The following RAD51C variants were observed in gnomAD, a reference collection of about 807,000 sequenced individuals.
RAD51C encodes the protein DNA repair protein RAD51 homolog 3.
A neutral mutation model predicts 45.0 loss-of-function variants in RAD51C; 42 were observed. The ratio of observed to expected loss-of-function variants is 0.93; its 90% confidence interval spans 0.73 to 1.21. The LOEUF is 1.21. Ranked by LOEUF, RAD51C falls within the 50% of genes most tolerant of loss-of-function variation. The pLI, the probability that RAD51C is intolerant of heterozygous loss-of-function variation, is 0.00. For synonymous variants in RAD51C, 172 were observed against 159.8 expected (o/e 1.08, Z -0.58); for missense variants, 474 against 452.2 (o/e 1.05, Z -0.44).
At chr17:58,728,899 T>G (rs1359642369) in intron 7 of RAD51C, among the ~76,000 whole-genome samples, 1 of 152,208 alleles carries the variant, frequency 6.6e-6, no homozygotes, top group African/African-American at 2.4e-5. Flanking sequence ...ATTTGCATAT[T>G]CATGGTTATA....
intron 7 of RAD51C, among the ~76,000 whole-genome samples, chr17:58,726,823 C>G (rs2049172765): frequency 1.3e-5 from 2 of 150,620 alleles, no homozygotes; most frequent in Non-Finnish European, 3.0e-5. Context: ...ACTTTATAAA[C>G]TTTTTTATTT....
At chr17:58,727,071 C>T (rs562241048) in intron 7 of RAD51C, among the ~76,000 whole-genome samples, 74 of 151,874 alleles carry the variant, frequency 4.9e-4, no homozygotes, top group African/African-American at 1.7e-3. Flanking sequence ...CCACCCGCCT[C>T]GGCCTCCCAA....
chr17:58,698,091 A>G (rs2048082893), intron 3 of RAD51C, among the ~76,000 whole-genome samples: 1 of 151,442 alleles, frequency 6.6e-6, no homozygotes, highest in Non-Finnish European at 1.5e-5. Flanking sequence ...GGCTCACTGC[A>G]GCCTCTGCCT....
intron 5 of RAD51C, among the ~76,000 whole-genome samples, chr17:58,710,868 A>G (rs1016968563): frequency 3.9e-5 from 6 of 152,062 alleles, no homozygotes; most frequent in Non-Finnish European, 5.9e-5. Context: ...ACATCCCACC[A>G]CTGACACAAA....
chr17:58,698,401 G>C (rs1437840186), intron 3 of RAD51C, among the ~76,000 whole-genome samples: 4 of 150,844 alleles, frequency 2.7e-5, no homozygotes, highest in Non-Finnish European at 5.9e-5. Context: ...AGCCAGGATG[G>C]TCTCGATCTC....
chr17:58,696,326 G>C (rs914149729), intron 2 of RAD51C, among the ~76,000 whole-genome samples: 2 of 152,080 alleles, frequency 1.3e-5, no homozygotes, highest in Admixed American at 6.6e-5. Flanking sequence ...CTAGCTACTC[G>C]GGCAGCTGAG....
chr17:58,724,117 G>A lies in RAD51C; in HGVS notation c.965+17G>A. ...AAAGCAAAGGTCAGTACAGAAACAAGTTAATAACTCCGAATATTGGGTTAA... is the reference window on the plus strand; with the variant it reads ...AAAGCAAAGGTCAGTACAGAAACAAATTAATAACTCCGAATATTGGGTTAA... On this transcript the variant is annotated intron_variant, in intron 7 of 8. Coordinates refer to ENST00000337432, the MANE Select transcript of RAD51C (RefSeq NM_058216.3). 1 of 1,595,724 alleles carries A rather than the reference G, an allele frequency of 6.3e-7. No homozygotes were observed. The highest frequency in any genetic ancestry group is 8.6e-7 in the Non-Finnish European group (1 of 1,163,400).
Position 58,694,997 on chromosome 17 carries a change from A to T in RAD51C, c.212A>T (p.Asn71Ile). The T allele has an allele frequency of 6.2e-7, 1 of 1,614,166 alleles. No homozygotes were observed. The highest frequency in any genetic ancestry group is 8.5e-7 in the Non-Finnish European group (1 of 1,180,012). ...ATTATCAGAAGAGAATGTCTCACAAATAAACCAAGATATGCTGGTACATCT... is the reference window on the plus strand; with the variant it reads ...ATTATCAGAAGAGAATGTCTCACAATTAAACCAAGATATGCTGGTACATCT... ...LQIIRRECLT[N>I]KPRYAGTSES... The change falls in exon 2 of 9, where the codon AAT becomes ATT. Residue 71 changes from asparagine (N) to isoleucine (I), a missense_variant. Physicochemically the swap from Asn to Ile is moderately radical, Grantham distance 149 (BLOSUM62 -3). Coordinates refer to ENST00000337432, the MANE Select transcript of RAD51C (RefSeq NM_058216.3).
chr17:58,734,490 A>C lies in RAD51C; in HGVS notation c.*268A>C. On this transcript the variant is annotated 3_prime_UTR_variant, in exon 9 of 9. Transcript: ENST00000337432. The stretch of plus-strand genomic sequence containing the variant: ...TTCACAAATGTGGAAAGCTGATCTC[A>C]TGTGGCCAGTCTGAATTTACCATTC... 2.7e-5 allele frequency: 14 copies of C among 522,880 alleles called. No individual in the cohort carries two copies. Among genetic ancestry groups the C allele is most frequent in the East Asian group, 1.1e-4 (3 of 28,214 alleles). The allele number at this position is 522,880 out of a possible 1,614,324, so 32.4% of individuals were successfully genotyped here.
chr17:58,694,614 T>TA, intron 1 of RAD51C: 1 of 356,910 alleles, frequency 2.8e-6, no homozygotes, highest in African/African-American at 2.1e-5. Flanking sequence ...TAGCTGGAAT[T>TA]ATAACGCGTG....
In RAD51C at chr17:58,719,096, C is replaced by A. The variant is rs189051286; in HGVS notation, c.838-1650C>A. Among the ~76,000 whole-genome samples, 14 of 152,252 alleles carry A rather than the reference C, an allele frequency of 9.2e-5. No individual in the cohort carries two copies. The East Asian group carries it at 2.3e-3, about 25-fold the overall frequency. On this transcript the variant is annotated intron_variant, in intron 5 of 8. Transcript: ENST00000337432. Reference sequence around the variant, plus strand: ...AAAATTAGCCAGGCATGGTGGCAGGCACCTGTAATCCTAGCTACTTGGGAG... The same window carrying A: ...AAAATTAGCCAGGCATGGTGGCAGGAACCTGTAATCCTAGCTACTTGGGAG...
chr17:58,714,521 C>T (rs540016656), intron 5 of RAD51C, among the ~76,000 whole-genome samples: 137 of 152,218 alleles, frequency 9.0e-4, no homozygotes, highest in African/African-American at 2.1e-3. Flanking sequence ...TGCCATGGCG[C>T]GATCTTGGCT....
chr17:58,692,849 C>G (rs763285760), intron 1 of RAD51C, 61 bp downstream of exon 1: 5 of 1,611,560 alleles, frequency 3.1e-6, no homozygotes, highest in East Asian at 2.2e-5. Flanking sequence ...CCTCAGTCTT[C>G]GTTCTCTCGC....
chr17:58,693,629 G>A (rs1294108539), intron 1 of RAD51C: 1 of 152,092 alleles, frequency 6.6e-6, no homozygotes, highest in Non-Finnish European at 1.5e-5. Flanking sequence ...TCTTCAACAA[G>A]TTGGCTTTTC....
chr17:58,702,284 T>C (rs1352136471), intron 3 of RAD51C, among the ~76,000 whole-genome samples: 1 of 152,194 alleles, frequency 6.6e-6, no homozygotes, highest in Non-Finnish European at 1.5e-5. Flanking sequence ...TTCTGTTCAA[T>C]GAAGCCAGTG....
intron 6 of RAD51C, among the ~76,000 whole-genome samples, chr17:58,721,250 C>G (rs1295513149): frequency 6.6e-6 from 1 of 152,072 alleles, no homozygotes; most frequent in Non-Finnish European, 1.5e-5. Flanking sequence ...CATCTGCACT[C>G]CAGCCTGGGG....
chr17:58,727,838 A>G (rs956134326), intron 7 of RAD51C, among the ~76,000 whole-genome samples: 12 of 151,926 alleles, frequency 7.9e-5, no homozygotes, highest in Non-Finnish European at 1.5e-4. Context: ...AGAGTTGGGA[A>G]AATCACTTGA....
intron 5 of RAD51C, among the ~76,000 whole-genome samples, chr17:58,720,357 T>A (rs1411484526): frequency 6.6e-6 from 1 of 150,682 alleles, no homozygotes; most frequent in African/African-American, 2.4e-5. Flanking sequence ...CAGAGCTTGC[T>A]GTGGGCAGAG....
In RAD51C at chr17:58,704,602, C is replaced by T. The variant is rs552649327; in HGVS notation, c.705+1273C>T. On this transcript the variant is annotated intron_variant, in intron 4 of 8. Transcript: ENST00000337432. ...TTAGTAATTGTTCATCCACTGACCC[C>T]TTCACCTTGCTCTTGGTTGTGAATC... Among the ~76,000 whole-genome samples, 7 of 152,258 alleles carry T rather than the reference C, an allele frequency of 4.6e-5. No homozygotes were observed. In the East Asian group the frequency reaches 1.4e-3, roughly 29 times the overall value.
Sources: allele counts gnomAD v4.1 joint callset (sites outside exome capture counted in the v4.1 genomes callset), GRCh38; gene constraint gnomAD v4.1.1; transcripts MANE v1.5; gene names NCBI Gene and HGNC (gene_info 2026-07-23, HGNC 2026-07-21).